The following RBFOX1 variants were observed in gnomAD, a reference collection of about 807,000 sequenced individuals.
RBFOX1 encodes RNA binding protein fox-1 homolog 1.
RBFOX1 carries 8 observed loss-of-function variants against 57.7 expected under a neutral mutation model. That is an observed-to-expected ratio of 0.14 (90% CI 0.08 to 0.25). The LOEUF is 0.25. RBFOX1 is among the 10% of genes least tolerant of loss of function. The pLI, the probability that RBFOX1 is intolerant of heterozygous loss-of-function variation, is 1.00. For synonymous variants in RBFOX1, 326 were observed against 222.4 expected (o/e 1.47, Z -4.15); for missense variants, 611 against 548.5 (o/e 1.11, Z -1.14).
chr16:7,698,212 G>GTGTGTGTA (rs1428076732), intron 14 of RBFOX1, among the ~76,000 whole-genome samples: 1 of 143,166 alleles, frequency 7.0e-6, no homozygotes, highest in Non-Finnish European at 1.5e-5. Flanking sequence ...GTGTGTGTGT[G>GTGTGTGTA]TGTATAAAGG....
In RBFOX1 at chr16:6,630,642, A is replaced by G. The variant is rs1199571097; in HGVS notation, c.-63-23961A>G. On this transcript the variant is annotated intron_variant, in intron 2 of 15. Transcript: ENST00000550418. ...ATCAGAAACCCAATTTGGGCCCAGA[A>G]CTAGCTGATTGGTAATACTTATATT... Among the ~76,000 whole-genome samples the G allele has an allele frequency of 4.6e-5, 7 of 152,160 alleles. No individual in the cohort carries two copies. The East Asian group carries it at 1.3e-3, about 29-fold the overall frequency.
intron 1 of RBFOX1, among the ~76,000 whole-genome samples, chr16:6,032,311 TAAAAA>T (rs2095302361): frequency 6.6e-6 from 1 of 152,100 alleles, no homozygotes; most frequent in African/African-American, 2.4e-5. Flanking sequence ...AATTGCCACT[TAAAAA>T]AATAAAACCA....
At chr16:7,676,722 C>T (rs1283184715) in intron 13 of RBFOX1, 52 bp from the exon 14 acceptor site, 54 of 1,487,668 alleles carry the variant, frequency 3.6e-5, no homozygotes, top group Non-Finnish European at 5.0e-5. Flanking sequence ...ACTGGGCATC[C>T]CTGCATTGGG....
chr16:6,264,949 G>T (rs992614622), intron 1 of RBFOX1, among the ~76,000 whole-genome samples: 16 of 152,172 alleles, frequency 1.1e-4, no homozygotes, highest in African/African-American at 3.6e-4. Context: ...AGTTCTGTGT[G>T]TGGGAACCGA....
intron 1 of RBFOX1, among the ~76,000 whole-genome samples, chr16:5,438,125 G>C (rs184093611): frequency 1.2e-4 from 19 of 152,284 alleles, no homozygotes; most frequent in African/African-American, 3.6e-4. Flanking sequence ...ACATTGTATT[G>C]ATCTTTGTGG....
At chr16:6,308,915 G>A (rs2079882950) in intron 1 of RBFOX1, among the ~76,000 whole-genome samples, 1 of 151,984 alleles carries the variant, frequency 6.6e-6, no homozygotes, top group South Asian at 2.1e-4. Flanking sequence ...AAACTCTACA[G>A]CACATTTTAA....
chr16:6,096,650 G>A (rs2096248351), intron 1 of RBFOX1, among the ~76,000 whole-genome samples: 1 of 152,098 alleles, frequency 6.6e-6, no homozygotes, highest in Admixed American at 6.5e-5. Flanking sequence ...TTGATACAGT[G>A]GCATCAATCT....
At chr16:6,859,879 A>G (rs950610627) in intron 3 of RBFOX1, among the ~76,000 whole-genome samples, 2 of 152,178 alleles carry the variant, frequency 1.3e-5, no homozygotes, top group African/African-American at 4.8e-5. Context: ...CCTTTGAGTT[A>G]GAGGAATGCA....
intron 4 of RBFOX1, among the ~76,000 whole-genome samples, chr16:7,296,021 C>T (rs761441113): frequency 2.0e-5 from 3 of 151,534 alleles, no homozygotes; most frequent in Non-Finnish European, 4.4e-5. Flanking sequence ...TTAGTCTCCT[C>T]GTGATAGCTA....
At chr16:6,147,039 G>A (rs1044862558) in intron 1 of RBFOX1, among the ~76,000 whole-genome samples, 1 of 152,088 alleles carries the variant, frequency 6.6e-6, no homozygotes, top group East Asian at 1.9e-4. Context: ...CATCAGCATC[G>A]CCTTGGGAGC....
At chr16:5,984,205 C>T (rs954771408) in intron 4 of RBFOX1, among the ~76,000 whole-genome samples, 4 of 123,018 alleles carry the variant, frequency 3.3e-5, no homozygotes, top group Non-Finnish European at 5.1e-5. Context: ...TCCCCTCCCC[C>T]TTCTTCTTCT....
At chr16:7,129,951 C>T (rs568873646) in intron 4 of RBFOX1, among the ~76,000 whole-genome samples, 7 of 152,054 alleles carry the variant, frequency 4.6e-5, no homozygotes, top group South Asian at 2.1e-4. Flanking sequence ...CTTCAAATCT[C>T]ATTTGCCAGC....
At chr16:6,493,080 A>C (rs1000291047) in intron 2 of RBFOX1, among the ~76,000 whole-genome samples, 1 of 152,248 alleles carries the variant, frequency 6.6e-6, no homozygotes, top group African/African-American at 2.4e-5. Context: ...TTTAAGAGAA[A>C]AGCCTCCATT....
intron 4 of RBFOX1, among the ~76,000 whole-genome samples, chr16:7,404,725 C>CA (rs1173723242): frequency 1.3e-5 from 2 of 151,786 alleles, no homozygotes; most frequent in East Asian, 3.9e-4. Flanking sequence ...AACAAACAAA[C>CA]AAAACCGAAT....
Position 6,923,927 on chromosome 16 carries a change from T to G in RBFOX1, c.-15-128130T>G, listed in dbSNP as rs184936221. ...GGCTGACACCTGTAATCCCAGCACT[T>G]TGGAGGCTGAGTCAGGCAGATCACC... On this transcript the variant is annotated intron_variant, in intron 3 of 15. Transcript: ENST00000550418. Among the ~76,000 whole-genome samples the G allele has an allele frequency of 1.4e-3, 207 of 152,130 alleles. 2 individuals carry two copies. The highest frequency in any genetic ancestry group is 4.3e-3 in the Admixed American group (65 of 15,284).
intron 3 of RBFOX1, among the ~76,000 whole-genome samples, chr16:6,676,142 G>GCACACACA (rs59806354): frequency 2.3e-4 from 34 of 145,860 alleles, no homozygotes; most frequent in African/African-American, 8.3e-4. Flanking sequence ...ACACACACGC[G>GCACACACA]CACACACACA....
intron 2 of RBFOX1, among the ~76,000 whole-genome samples, chr16:5,549,279 G>C (rs1205810922): frequency 6.6e-6 from 1 of 152,182 alleles, no homozygotes; most frequent in Admixed American, 6.5e-5. Flanking sequence ...ACTTCTGTCT[G>C]TCTCACTCTC....
rs182997375 is a variant in RBFOX1, at chr16:7,411,105, C to G, written c.28-107042C>G. On this transcript the variant is annotated intron_variant, in intron 4 of 15. Coordinates refer to ENST00000550418, the MANE Select transcript of RBFOX1 (RefSeq NM_018723.4). Reference sequence around the variant, plus strand: ...GGACTACAGGCGTGAGCCACCATGCCTGACCAATTTTTGTATTTTTAGTAG... The same window carrying G: ...GGACTACAGGCGTGAGCCACCATGCGTGACCAATTTTTGTATTTTTAGTAG... Among the ~76,000 whole-genome samples, 269 of 152,158 alleles carry G rather than the reference C, an allele frequency of 1.8e-3. 3 individuals are homozygous for G. Among genetic ancestry groups the G allele is most frequent in the Non-Finnish European group, 2.1e-3 (144 of 68,008 alleles).
chr16:7,190,917 A>ACAAAG (rs2085217480), intron 4 of RBFOX1, among the ~76,000 whole-genome samples: 1 of 152,106 alleles, frequency 6.6e-6, no homozygotes, highest in South Asian at 2.1e-4. Flanking sequence ...AGCATATTTT[A>ACAAAG]CAAAGACCTT....
Sources: allele counts gnomAD v4.1 joint callset (sites outside exome capture counted in the v4.1 genomes callset), GRCh38; gene constraint gnomAD v4.1.1; transcripts MANE v1.5; gene names NCBI Gene and HGNC (gene_info 2026-07-23, HGNC 2026-07-21).